The following ARMH4 variants were observed in gnomAD, a reference collection of about 807,000 sequenced individuals.
ARMH4 encodes the protein armadillo-like helical domain-containing protein 4.
Under a neutral mutation model 61.9 loss-of-function variants are expected in ARMH4, and 49 were observed. The observed-to-expected ratio is 0.79, with a 90% CI of 0.63 to 1.00. ARMH4 has a LOEUF of 1.00. Among genes scored for constraint, ARMH4 ranks in the 50% least tolerant of loss-of-function variants. The pLI is 0.00. For missense variants in ARMH4, 934 were observed against 930.0 expected, an observed-to-expected ratio of 1.00 and a Z score of -0.06; for synonymous variants, 368 against 341.5, an observed-to-expected ratio of 1.08 and a Z score of -0.85.
At position 58,043,706 on chromosome 14, in the gene ARMH4, C is replaced by A. The variant is rs572364411; in HGVS notation, c.2090-31556G>T. Among the ~76,000 whole-genome samples, 3 of 152,268 alleles carry A rather than the reference C, an allele frequency of 2.0e-5. No homozygotes were observed. In the East Asian group the frequency reaches 5.8e-4, roughly 29 times the overall value. The stretch of plus-strand genomic sequence containing the variant: ...GACATGATTGTATATCTAGAAAACC[C>A]CATCGTCTCAGCCCAAAATCTCCTT... On this transcript the variant is annotated intron_variant, in intron 5 of 7. Coordinates refer to ENST00000267485, the MANE Select transcript of ARMH4 (RefSeq NM_001001872.4).
chr14:58,024,357 C>A (rs981022848), intron 5 of ARMH4, among the ~76,000 whole-genome samples: 1 of 152,158 alleles, frequency 6.6e-6, no homozygotes, highest in Non-Finnish European at 1.5e-5. Flanking sequence ...CATGAACCAA[C>A]CTGTGCTAGC....
chr14:58,083,288 AT>A (rs1885285171), intron 5 of ARMH4, among the ~76,000 whole-genome samples: 1 of 152,244 alleles, frequency 6.6e-6, no homozygotes, highest in Non-Finnish European at 1.5e-5. Flanking sequence ...ATGGAAAGAT[AT>A]TAAGTATCAG....
chr14:58,001,688 T>G lies in ARMH4; in HGVS notation c.*3048A>C, dbSNP rs1881990439. ...GTTCTCTAGATAGATCCCTCCTAGC[T>G]GTGTTCCCAAGCTTGCTGGGGCATG... On this transcript the variant is annotated 3_prime_UTR_variant, in exon 8 of 8. Coordinates refer to ENST00000267485, the MANE Select transcript of ARMH4 (RefSeq NM_001001872.4). 6.6e-6 allele frequency: 1 copy of G among 152,252 alleles called. No homozygotes were observed. Among genetic ancestry groups the G allele is most frequent in the Non-Finnish European group, 1.5e-5 (1 of 68,052 alleles). 9.4% of individuals were successfully genotyped at this position (152,252 alleles called of 1,614,324 possible).
chr14:58,090,816 G>T (rs1411516702), intron 5 of ARMH4, among the ~76,000 whole-genome samples: 4 of 149,908 alleles, frequency 2.7e-5, no homozygotes, highest in African/African-American at 9.9e-5. Context: ...AGAGGTGGAG[G>T]TTGCAATGAG....
intron 5 of ARMH4, among the ~76,000 whole-genome samples, chr14:58,053,731 A>C (rs1884225347): frequency 1.3e-5 from 2 of 152,268 alleles, no homozygotes; most frequent in Middle Eastern, 3.4e-3. Context: ...TGTGTCTGGG[A>C]GCACACTGTC....
At chr14:58,061,040 A>C (rs178495) in intron 5 of ARMH4, among the ~76,000 whole-genome samples, 100,957 of 151,980 alleles carry the variant, frequency 0.66, 35,130 homozygotes, top group African/African-American at 0.88. Context: ...AGCCCCTCAG[A>C]CCAATTTGGT....
intron 1 of ARMH4, among the ~76,000 whole-genome samples, chr14:58,149,093 T>C (rs954051564): frequency 2.0e-5 from 3 of 152,232 alleles, no homozygotes; most frequent in African/African-American, 7.2e-5. Flanking sequence ...GATTAATTTA[T>C]CATTGTCTTA....
At chr14:58,046,045 G>A (rs527994134) in intron 5 of ARMH4, among the ~76,000 whole-genome samples, 175 of 152,322 alleles carry the variant, frequency 1.1e-3, no homozygotes, top group Non-Finnish European at 2.2e-3. Flanking sequence ...CCAGCCACCA[G>A]AACTGGGAGA....
At chr14:58,100,450 A>T (rs1885928239) in intron 4 of ARMH4, among the ~76,000 whole-genome samples, 1 of 152,238 alleles carries the variant, frequency 6.6e-6, no homozygotes, top group Admixed American at 6.5e-5. Flanking sequence ...TTTAACCAGC[A>T]GCAAGTTTTA....
At chr14:58,048,756 C>T (rs1021258503) in intron 5 of ARMH4, among the ~76,000 whole-genome samples, 1 of 151,982 alleles carries the variant, frequency 6.6e-6, no homozygotes, top group Non-Finnish European at 1.5e-5. Flanking sequence ...CAAGGGAGAG[C>T]CAAGGAAAAT....
At chr14:58,013,417 C>A (rs544530591) in intron 5 of ARMH4, among the ~76,000 whole-genome samples, 1 of 149,780 alleles carries the variant, frequency 6.7e-6, no homozygotes, top group Non-Finnish European at 1.5e-5. Context: ...CATTCGCATT[C>A]TTTGCTCAGG....
rs1887187509 is a variant in ARMH4, at chr14:58,133,308, T to C, written c.1403A>G (p.Gln468Arg). Residue 468 changes from glutamine to arginine, a missense_variant, in exon 3 of 8, where the codon CAA becomes CGA. Coordinates refer to ENST00000267485, the MANE Select transcript of ARMH4 (RefSeq NM_001001872.4). ...CATGGATAAAGTGGCATCTGGCTCTTGAACAGCTGTTGTCATCTCTTGAGT... is the reference window on the plus strand; with the variant it reads ...CATGGATAAAGTGGCATCTGGCTCTCGAACAGCTGTTGTCATCTCTTGAGT... ...IITQEMTTAV[Q>R]EPDATLSMVT... 1.2e-6 allele frequency: 2 copies of C among 1,613,952 alleles called. No homozygotes were observed. The highest frequency in any genetic ancestry group is 1.3e-5 in the African/African-American group (1 of 74,944).
intron 5 of ARMH4, among the ~76,000 whole-genome samples, chr14:58,027,713 C>T (rs1278192055): frequency 6.6e-6 from 1 of 151,968 alleles, no homozygotes; most frequent in Non-Finnish European, 1.5e-5. Context: ...GTTCCTACAA[C>T]AAGTAATAAT....
intron 5 of ARMH4, among the ~76,000 whole-genome samples, chr14:58,030,605 C>G (rs575867768): frequency 5.3e-5 from 8 of 152,288 alleles, no homozygotes; most frequent in African/African-American, 1.7e-4. Context: ...ACTCTATACC[C>G]ATTTTTTAAA....
At chr14:58,094,097 C>T (rs1243993305) in intron 5 of ARMH4, among the ~76,000 whole-genome samples, 3 of 151,920 alleles carry the variant, frequency 2.0e-5, no homozygotes, top group African/African-American at 4.8e-5. Flanking sequence ...TGGGAGGCCA[C>T]GGCGGGCAGA....
chr14:58,013,287 G>A (rs920388222), intron 5 of ARMH4, among the ~76,000 whole-genome samples: 1 of 152,012 alleles, frequency 6.6e-6, no homozygotes, highest in Non-Finnish European at 1.5e-5. Flanking sequence ...TAAATAAATG[G>A]GTTCAGCTAT....
chr14:58,047,811 T>C (rs1027168343), intron 5 of ARMH4, among the ~76,000 whole-genome samples: 4 of 151,724 alleles, frequency 2.6e-5, no homozygotes, highest in Admixed American at 6.6e-5. Flanking sequence ...TGCATAGGAA[T>C]AGGAAAAAAA....
intron 4 of ARMH4, among the ~76,000 whole-genome samples, chr14:58,107,942 G>T (rs1042868680): frequency 1.6e-4 from 24 of 152,174 alleles, no homozygotes; most frequent in Middle Eastern, 3.4e-3. Flanking sequence ...AGAAACATTT[G>T]TAGGCATACG....
At chr14:58,118,010 T>C (rs967969377) in intron 4 of ARMH4, among the ~76,000 whole-genome samples, 2 of 152,166 alleles carry the variant, frequency 1.3e-5, no homozygotes, top group Non-Finnish European at 2.9e-5. Flanking sequence ...GCGATCCTCC[T>C]GCCTTGGCCT....
Sources: allele counts gnomAD v4.1 joint callset (sites outside exome capture counted in the v4.1 genomes callset), GRCh38; gene constraint gnomAD v4.1.1; transcripts MANE v1.5; gene names NCBI Gene and HGNC (gene_info 2026-07-23, HGNC 2026-07-21).